LRRN2: variants seen among roughly 807,000 people sequenced by gnomAD.
LRRN2 encodes the protein leucine-rich repeat neuronal protein 2.
LRRN2 carries 10 observed loss-of-function variants against 35.7 expected under a neutral mutation model. The ratio of observed to expected loss-of-function variants is 0.28; its 90% CI spans 0.17 to 0.47. The LOEUF is 0.47. Among genes scored for constraint, LRRN2 ranks in the 20% least tolerant of loss-of-function variants. The pLI is 0.99. For missense variants in LRRN2, 731 were observed against 940.3 expected (o/e 0.78, Z 2.91); for synonymous variants, 391 against 409.6 (o/e 0.95, Z 0.55).
chr1:204,677,461 C>T (rs1668849216), intron 1 of LRRN2, among the ~76,000 whole-genome samples: 1 of 152,162 alleles, frequency 6.6e-6, no homozygotes, highest in Non-Finnish European at 1.5e-5. Flanking sequence ...CACACTCACC[C>T]CTCATGGGGG....
At chr1:204,656,155 C>T (rs939072952) in intron 1 of LRRN2, among the ~76,000 whole-genome samples, 10 of 151,708 alleles carry the variant, frequency 6.6e-5, no homozygotes, top group African/African-American at 1.2e-4. Flanking sequence ...ATGATCTGCC[C>T]GCCTCAGCCT....
In LRRN2 at chr1:204,618,461, C is replaced by A. The variant is rs76468836; in HGVS notation, c.1532G>T (p.Ser511Ile). 7.6e-4 allele frequency: 1,222 copies of A among 1,614,216 alleles called. 14 individuals are homozygous for A. In the African/African-American group the frequency reaches 0.014, roughly 19 times the overall value. ...GAGGAGAGCACGGCCCACAACCACA[C>A]TAACCGTCTTAGTGTCAGCCCCCAC... The part of the protein sequence containing the change: ...NLVGADTKTV[S>I]VVVGRALLQP... Residue 511 changes from serine (S) to isoleucine (I), a missense_variant, in exon 2 of 2, where the codon AGT becomes ATT. Ser to Ile is a moderately radical substitution (Grantham distance 142, BLOSUM62 -2). Transcript: ENST00000367177.
intron 1 of LRRN2, among the ~76,000 whole-genome samples, chr1:204,659,550 C>T (rs888809716): frequency 2.6e-5 from 4 of 152,108 alleles, no homozygotes; most frequent in African/African-American, 7.2e-5. Flanking sequence ...GGACATCTGT[C>T]TTACGGCCAC....
intron 1 of LRRN2, among the ~76,000 whole-genome samples, chr1:204,649,369 C>T (rs75257634): frequency 1.3e-5 from 2 of 152,178 alleles, no homozygotes; most frequent in East Asian, 1.9e-4. Context: ...CCGCAGCTCA[C>T]GGCCTGGTTC....
Position 204,618,232 on chromosome 1 carries a change from G to A in LRRN2, c.1761C>T (p.Leu587=), listed in dbSNP as rs551867709. 8 of 1,613,864 alleles carry A rather than the reference G, an allele frequency of 5.0e-6. No homozygotes were observed. In the East Asian group the frequency reaches 1.8e-4, roughly 36 times the overall value. ...AGGCCCAGTACTCCGTGGCCTGAAGGAGGCGGGTAATGTTGTAGCTGTGGG... is the reference window on the plus strand; with the variant it reads ...AGGCCCAGTACTCCGTGGCCTGAAGAAGGCGGGTAATGTTGTAGCTGTGGG... ...RGTHSYNITR[L]LQATEYWACL... The change falls in exon 2 of 2, where the codon CTC becomes CTT. Residue 587 remains leucine, a synonymous_variant. Transcript: ENST00000367177.
intron 1 of LRRN2, among the ~76,000 whole-genome samples, chr1:204,670,160 G>C (rs1668676667): frequency 6.6e-6 from 1 of 152,204 alleles, no homozygotes; most frequent in African/African-American, 2.4e-5. Context: ...TAGTGTGGAG[G>C]CTGTGGAGAT....
At chr1:204,656,702 T>A (rs766450465) in intron 1 of LRRN2, among the ~76,000 whole-genome samples, 1 of 152,224 alleles carries the variant, frequency 6.6e-6, no homozygotes, top group Non-Finnish European at 1.5e-5. Context: ...AAGACACAGT[T>A]CCATGACCTA....
chr1:204,656,807 C>T lies in LRRN2; in HGVS notation c.-227+28513G>A, dbSNP rs148776525. 5.3e-3 allele frequency among the ~76,000 whole-genome samples: 803 copies of T among 152,300 alleles called. 3 individuals are homozygous for T. Among genetic ancestry groups the T allele is most frequent in the Non-Finnish European group, 8.4e-3 (570 of 68,034 alleles). ...GAATCTTCACTTTATACCTGACATT[C>T]TGAAATCTCAAAATGTTGTGTCTTT... On this transcript the variant is annotated intron_variant, in intron 1 of 1. Coordinates refer to ENST00000367177, the MANE Select transcript of LRRN2 (RefSeq NM_201630.2).
chr1:204,681,782 G>A (rs1016003116), intron 1 of LRRN2, among the ~76,000 whole-genome samples: 3 of 152,252 alleles, frequency 2.0e-5, no homozygotes, highest in Non-Finnish European at 4.4e-5. Context: ...GAAAGTAACA[G>A]ATAAAGGCAT....
At chr1:204,669,116 C>A (rs181785458) in intron 1 of LRRN2, among the ~76,000 whole-genome samples, 1 of 152,206 alleles carries the variant, frequency 6.6e-6, no homozygotes, top group Non-Finnish European at 1.5e-5. Context: ...TGAGCCACTG[C>A]GCCTGACTGT....
At chr1:204,662,826 A>G (rs916997416) in intron 1 of LRRN2, among the ~76,000 whole-genome samples, 1 of 152,106 alleles carries the variant, frequency 6.6e-6, no homozygotes, top group Non-Finnish European at 1.5e-5. Flanking sequence ...AACCCAGGAG[A>G]ATTTGAAGAT....
At chr1:204,640,010 A>G (rs1667945009) in intron 1 of LRRN2, among the ~76,000 whole-genome samples, 1 of 152,204 alleles carries the variant, frequency 6.6e-6, no homozygotes, top group African/African-American at 2.4e-5. Flanking sequence ...CAATCACTTC[A>G]TATTTGAAAA....
intron 1 of LRRN2, among the ~76,000 whole-genome samples, chr1:204,654,188 T>G (rs1390821006): frequency 6.6e-6 from 1 of 152,170 alleles, no homozygotes; most frequent in Non-Finnish European, 1.5e-5. Flanking sequence ...TGTAAGTACA[T>G]GATATACTGC....
chr1:204,672,579 C>T (rs1262574535), intron 1 of LRRN2, among the ~76,000 whole-genome samples: 1 of 152,324 alleles, frequency 6.6e-6, no homozygotes, highest in East Asian at 1.9e-4. Context: ...GTCGCGCCGT[C>T]TTGGAGGAGG....
intron 1 of LRRN2, among the ~76,000 whole-genome samples, chr1:204,643,862 A>G (rs1414630395): frequency 1.3e-5 from 2 of 152,182 alleles, no homozygotes; most frequent in South Asian, 4.1e-4. Context: ...AGAATGTGAA[A>G]GACCTGAGTT....
chr1:204,652,281 C>CCCCCGCT (rs1213371154), intron 1 of LRRN2, among the ~76,000 whole-genome samples: 92 of 135,178 alleles, frequency 6.8e-4, no homozygotes, highest in Middle Eastern at 7.1e-3. Context: ...GCCCCCCCGC[C>CCCCCGCT]GCCTTCCTCC....
chr1:204,644,057 G>A (rs978740356), intron 1 of LRRN2, among the ~76,000 whole-genome samples: 3 of 152,064 alleles, frequency 2.0e-5, no homozygotes, highest in African/African-American at 4.8e-5. Context: ...TCAATAAATG[G>A]GTTCCCTTTC....
At chr1:204,620,308 T>A in intron 1 of LRRN2, 90 bp from the exon 2 acceptor site, 2 of 884,258 alleles carry the variant, frequency 2.3e-6, no homozygotes, top group Non-Finnish European at 1.6e-6. Flanking sequence ...CAGAGTCTCA[T>A]TCTGTCACCC....
intron 1 of LRRN2, among the ~76,000 whole-genome samples, chr1:204,635,485 G>A (rs78822048): frequency 6.6e-6 from 1 of 152,132 alleles, no homozygotes; most frequent in African/African-American, 2.4e-5. Flanking sequence ...CTGCTGCAGG[G>A]TTTAAGGGAG....
Sources: allele counts gnomAD v4.1 joint callset (sites outside exome capture counted in the v4.1 genomes callset), GRCh38; gene constraint gnomAD v4.1.1; transcripts MANE v1.5; gene names NCBI Gene and HGNC (gene_info 2026-07-23, HGNC 2026-07-21).